MSH3: variants seen among roughly 807,000 people sequenced by gnomAD.
The protein encoded by MSH3 is DNA mismatch repair protein Msh3.
Under a neutral mutation model 123.3 loss-of-function variants are expected in MSH3, and 106 were observed. The observed-to-expected ratio is 0.86, with a 90% confidence interval of 0.73 to 1.01. The LOEUF (loss-of-function observed/expected upper bound fraction) is 1.01. Among genes scored for constraint, MSH3 ranks in the 50% least tolerant of loss-of-function variants. The probability of loss-of-function intolerance (pLI) is 0.00; values close to 1 mark genes in which losing one functional copy is unlikely to be tolerated. For missense variants in MSH3, 1,459 were observed against 1,347.6 expected, an observed-to-expected ratio of 1.08 and a Z score of -1.29; for synonymous variants, 515 against 481.4, an observed-to-expected ratio of 1.07 and a Z score of -0.91.
intron 19 of MSH3, among the ~76,000 whole-genome samples, chr5:80,805,330 T>C (rs1744868088): frequency 6.6e-6 from 1 of 152,130 alleles, no homozygotes; most frequent in African/African-American, 2.4e-5. Context: ...GAAGGGGTGG[T>C]GGAAAAAACT....
intron 20 of MSH3, among the ~76,000 whole-genome samples, chr5:80,818,372 T>TG (rs1745142147): frequency 6.8e-6 from 1 of 146,974 alleles, no homozygotes; most frequent in Non-Finnish European, 1.5e-5. Flanking sequence ...GACTGGTGTT[T>TG]TTTTTTTTTT....
intron 1 of MSH3, 152 bp downstream of exon 1, chr5:80,655,116 G>T: frequency 1.9e-6 from 1 of 527,758 alleles, no homozygotes. Context: ...GAGCCCAGCC[G>T]GGGCTACAAA....
intron 9 of MSH3, among the ~76,000 whole-genome samples, chr5:80,726,721 A>C (rs1743308601): frequency 6.6e-6 from 1 of 152,144 alleles, no homozygotes; most frequent in Non-Finnish European, 1.5e-5. Flanking sequence ...CTCCCACCTC[A>C]GTCTGCCAAA....
chr5:80,794,274 T>C (rs998492695), intron 19 of MSH3, among the ~76,000 whole-genome samples: 3 of 152,218 alleles, frequency 2.0e-5, no homozygotes, highest in Non-Finnish European at 4.4e-5. Flanking sequence ...CTGGCAGCAC[T>C]GAGTTTTCTC....
intron 13 of MSH3, among the ~76,000 whole-genome samples, chr5:80,763,863 C>T (rs1232707897): frequency 1.3e-5 from 2 of 152,110 alleles, no homozygotes; most frequent in Non-Finnish European, 2.9e-5. Flanking sequence ...AAAAAGTGGC[C>T]GGTATGCAGT....
chr5:80,688,647 T>G (rs1007056725), intron 8 of MSH3, among the ~76,000 whole-genome samples: 4 of 151,958 alleles, frequency 2.6e-5, no homozygotes, highest in African/African-American at 9.6e-5. Context: ...TATATAATTA[T>G]CAGAGGAATT....
chr5:80,806,360 GTGCTGGGATTACAT>G (rs1446538777), intron 19 of MSH3, among the ~76,000 whole-genome samples: 3 of 152,124 alleles, frequency 2.0e-5, no homozygotes, highest in Non-Finnish European at 1.5e-5. Context: ...GCCTCCCAAA[GTGCTGGGATTACAT>G]GCGTGAGCCA....
intron 16 of MSH3, among the ~76,000 whole-genome samples, chr5:80,777,309 G>A (rs1744323665): frequency 7.4e-6 from 1 of 134,562 alleles, no homozygotes; most frequent in Admixed American, 7.8e-5. Context: ...GCTACCAGAA[G>A]CTGTACTTTA....
At chr5:80,714,856 G>T (rs1750926914) in intron 8 of MSH3, among the ~76,000 whole-genome samples, 2 of 152,208 alleles carry the variant, frequency 1.3e-5, no homozygotes, top group South Asian at 4.1e-4. Context: ...TATTGAGGAA[G>T]TCTACAGGAA....
In MSH3 at chr5:80,670,103, A is replaced by C. The variant is rs768793171; in HGVS notation, c.586A>C (p.Thr196Pro). The change falls in exon 4 of 24, where the codon ACA (threonine) becomes CCA (proline). Residue 196 changes from threonine to proline, a missense_variant. Transcript: ENST00000265081. ...TACATCTTTTGGTTGCCAGGACACA[A>C]CACTTTTTGATCTCAGTCAGTTTGG... ...SKRQINQKDT[T>P]LFDLSQFGSS... 1 of 1,614,094 alleles carries C rather than the reference A, an allele frequency of 6.2e-7. No individual in the cohort carries two copies. Among genetic ancestry groups the C allele is most frequent in the African/African-American group, 1.3e-5 (1 of 75,032 alleles).
chr5:80,707,542 G>C (rs1455080244), intron 8 of MSH3, among the ~76,000 whole-genome samples: 1 of 151,346 alleles, frequency 6.6e-6, no homozygotes, highest in Non-Finnish European at 1.5e-5. Context: ...GGGCAACATA[G>C]TGAGACCCTG....
At chr5:80,715,018 G>T (rs963923440) in intron 8 of MSH3, among the ~76,000 whole-genome samples, 1 of 152,196 alleles carries the variant, frequency 6.6e-6, no homozygotes, top group Non-Finnish European at 1.5e-5. Flanking sequence ...GCCTAGGCTT[G>T]TAGTAGAACA....
At position 80,799,500 on chromosome 5, in the gene MSH3, C is replaced by CTTTTTT. The variant is rs746348952; in HGVS notation, c.2655+6683_2655+6688dup. The stretch of plus-strand genomic sequence containing the variant: ...TTTATACCTGTCAAGGAAGATAGCA[C>CTTTTTT]TTTTTTTTTTTTTTTTTTTTTTTTT... On this transcript the variant is annotated intron_variant, in intron 19 of 23. Coordinates refer to ENST00000265081, the MANE Select transcript of MSH3 (RefSeq NM_002439.5). Among the ~76,000 whole-genome samples, 171 of 32,324 alleles carry CTTTTTT rather than the reference C, an allele frequency of 5.3e-3. 27 individuals are homozygous for CTTTTTT. The highest frequency in any genetic ancestry group is 0.016 in the African/African-American group (128 of 7,824). The allele number at this position is 32,324 out of a possible 152,430, so 21.2% of individuals were successfully genotyped here.
rs1580589243 is a variant in MSH3 at position 80,728,759 on chromosome 5, T to C, written c.1454-92T>C. On this transcript the variant is annotated intron_variant, in intron 9 of 23. Coordinates refer to ENST00000265081, the MANE Select transcript of MSH3 (RefSeq NM_002439.5). Reference sequence around the variant, plus strand: ...TTTACTTAAAATTTGTGTTTAATAATGCTAACAAGTTAATGGTTCTGTTTA... The same window carrying C: ...TTTACTTAAAATTTGTGTTTAATAACGCTAACAAGTTAATGGTTCTGTTTA... 6 of 708,280 alleles carry C rather than the reference T, an allele frequency of 8.5e-6. No individual in the cohort carries two copies. In the East Asian group the frequency reaches 1.7e-4, roughly 20 times the overall value. The allele number at this position is 708,280 out of a possible 1,614,324, so 43.9% of individuals were successfully genotyped here. A position where few individuals can be genotyped will look rare whatever the true frequency, so the allele number is the denominator to read the frequency against.
rs539383193 is a variant in MSH3 at position 80,875,653 on chromosome 5, G to A, written c.3303-98G>A. ...AGCTTCCTAACTATAGAGCCTGCCC[G>A]GTATTCAAGTGTTATAGACTTTTCA... On this transcript the variant is annotated intron_variant, in intron 23 of 23. Coordinates refer to ENST00000265081, the MANE Select transcript of MSH3 (RefSeq NM_002439.5). 219 of 722,166 alleles carry A rather than the reference G, an allele frequency of 3.0e-4. 1 individual carries two copies. The African/African-American group carries it at 3.4e-3, about 11-fold the overall frequency. The allele number at this position is 722,166 out of a possible 1,614,324, so 44.7% of individuals were successfully genotyped here. A position where few individuals can be genotyped will look rare whatever the true frequency, so the allele number is the denominator to read the frequency against.
intron 20 of MSH3, among the ~76,000 whole-genome samples, chr5:80,827,187 A>G (rs1402739710): frequency 1.3e-5 from 2 of 152,228 alleles, no homozygotes; most frequent in Non-Finnish European, 2.9e-5. Context: ...AAGCAAAACA[A>G]TTGGCCTCTT....
intron 8 of MSH3, among the ~76,000 whole-genome samples, chr5:80,697,036 A>AT (rs1750498841): frequency 1.3e-5 from 2 of 152,334 alleles, no homozygotes; most frequent in South Asian, 4.1e-4. Flanking sequence ...TTCTTGGCAA[A>AT]TTAACAATCT....
At chr5:80,698,254 A>G (rs974708750) in intron 8 of MSH3, among the ~76,000 whole-genome samples, 10 of 152,190 alleles carry the variant, frequency 6.6e-5, no homozygotes, top group African/African-American at 2.2e-4. Flanking sequence ...TTGTTGATAC[A>G]TCTTCTAAGT....
rs963234468 is a variant in MSH3, at chr5:80,725,478, G to A, written c.1366G>A (p.Glu456Lys). ...TGTGCAGGATGACAGAATTCGAGTC[G>A]AAAGGATGGATAACATTTATTTTGA... ...VSVQDDRIRV[E>K]RMDNIYFEYS... Residue 456 changes from glutamate to lysine, a missense_variant, in exon 9 of 24, where the codon GAA becomes AAA. Coordinates refer to ENST00000265081, the MANE Select transcript of MSH3 (RefSeq NM_002439.5). 1.1e-5 allele frequency: 17 copies of A among 1,613,454 alleles called. No individual in the cohort carries two copies. The African/African-American group carries it at 1.5e-4, about 14-fold the overall frequency.
Sources: allele counts gnomAD v4.1 joint callset (sites outside exome capture counted in the v4.1 genomes callset), GRCh38; gene constraint gnomAD v4.1.1; transcripts MANE v1.5; gene names NCBI Gene and HGNC (gene_info 2026-07-23, HGNC 2026-07-21).